The following CHD5 variants were observed in gnomAD, a reference collection of about 807,000 sequenced individuals.
CHD5 encodes the protein ATP-dependent chromatin remodeler CHD5.
A neutral mutation model predicts 230.3 loss-of-function variants in CHD5; 69 were observed. That is an observed-to-expected ratio of 0.30 (90% CI 0.25 to 0.37). CHD5 has a LOEUF of 0.37. Among genes scored for constraint, CHD5 ranks in the 10% least tolerant of loss-of-function variants. The pLI is 1.00. For synonymous variants in CHD5, 1,064 were observed against 1,065.9 expected, an observed-to-expected ratio of 1.00 and a Z score of 0.03; for missense variants, 1,827 against 2,622.8, an observed-to-expected ratio of 0.70 and a Z score of 6.63.
At chr1:6,169,016 C>T (rs1481658284) in intron 1 of CHD5, among the ~76,000 whole-genome samples, 1 of 98,858 alleles carries the variant, frequency 1.0e-5, no homozygotes, top group Non-Finnish European at 2.4e-5. Flanking sequence ...GAGACTCCAT[C>T]AAAAAAAAAA....
In CHD5 at chr1:6,125,278, GT is replaced by G; in HGVS notation, c.4261-46del. On this transcript the variant is annotated intron_variant, in intron 28 of 41. Coordinates refer to ENST00000262450, the MANE Select transcript of CHD5 (RefSeq NM_015557.3). This position sits in a 1 kb window ranked among gnomAD's most constrained non-coding sequence, Gnocchi z 6.7. The stretch of plus-strand genomic sequence containing the variant: ...GAGTATGAGCCCAGGACAGAGAGGG[GT>G]GGGGGTGGAGGATTCTGGGATGGGG... 6.5e-7 allele frequency: 1 copy of G among 1,549,206 alleles called. No homozygotes were observed. The highest frequency in any genetic ancestry group is 8.7e-7 in the Non-Finnish European group (1 of 1,145,392).
chr1:6,159,599 C>T, intron 2 of CHD5, 84 bp from the exon 3 acceptor site: 1 of 1,130,872 alleles, frequency 8.8e-7, no homozygotes, highest in Non-Finnish European at 1.3e-6. Flanking sequence ...CTGAGAGCTA[C>T]CTCCTGGCCC....
rs756677443 is a variant in CHD5, at chr1:6,159,424, T to G, written c.299A>C (p.Lys100Thr). 2.6e-6 allele frequency: 4 copies of G among 1,567,050 alleles called. No homozygotes were observed. In the African/African-American group the frequency reaches 4.1e-5, roughly 16 times the overall value. The change falls in exon 3 of 42, where the codon AAG becomes ACG. Residue 100 changes from lysine to threonine, a missense_variant. Lys to Thr is a moderately conservative substitution (Grantham distance 78). This residue lies in a region of CHD5 where 657 missense variants were observed against 816.4 expected (regional missense o/e 0.80). Transcript: ENST00000262450. ...GSDYSPNKKK[K>T]KKLKDKKEKK... ...CTCCTTCTTGTCCTTGAGTTTCTTC[T>G]TCTTCTTTTTATTCGGGGAGTAGTC...
intron 30 of CHD5, 23 bp downstream of exon 30, chr1:6,124,494 C>T (rs1666521129): frequency 1.9e-6 from 3 of 1,613,654 alleles, no homozygotes. Context: ...CAGGAAGGGC[C>T]CTACAGAGAG....
In CHD5 at chr1:6,112,402, C is replaced by T. The variant is rs957829728; in HGVS notation, c.5003-125G>A. 2.7e-5 allele frequency: 33 copies of T among 1,217,850 alleles called. No individual in the cohort carries two copies. In the Admixed American group the frequency reaches 5.2e-4, roughly 19 times the overall value. The allele number at this position is 1,217,850 out of a possible 1,614,324, so 75.4% of individuals were successfully genotyped here. A position where few individuals can be genotyped will look rare whatever the true frequency, so the allele number is the denominator to read the frequency against. ...AACATCCTCTTGTCCTCAGGGGACTCGCTGCCCAGAAGGGTCTTAAACAAG... is the reference window on the plus strand; with the variant it reads ...AACATCCTCTTGTCCTCAGGGGACTTGCTGCCCAGAAGGGTCTTAAACAAG... On this transcript the variant is annotated intron_variant, in intron 34 of 41. Coordinates refer to ENST00000262450, the MANE Select transcript of CHD5 (RefSeq NM_015557.3).
In CHD5 at chr1:6,144,026, G is replaced by T. The variant is rs377035401; in HGVS notation, c.1932C>A (p.His644Gln). The T allele has an allele frequency of 6.2e-7, 1 of 1,614,188 alleles. No homozygotes were observed. Among genetic ancestry groups the T allele is most frequent in the Non-Finnish European group, 8.5e-7 (1 of 1,180,040 alleles). Reference protein sequence around the residue: ...YDNLKQAYWGHRELMLGEDTR... With the variant: ...YDNLKQAYWGQRELMLGEDTR... ...GCAGCCGGATCCCTGCGACCCACCT[G>T]TGGCCCCAGTAGGCCTGCTTGAGGT... Residue 644 changes from histidine to glutamine, a missense_variant and splice_region_variant, in exon 12 of 42, where the codon CAC becomes CAA. This residue lies in a region of CHD5 where 657 missense variants were observed against 816.4 expected (regional missense o/e 0.80). Transcript: ENST00000262450.
At chr1:6,159,002 G>A (rs1198877995) in intron 3 of CHD5, among the ~76,000 whole-genome samples, 12 of 69,520 alleles carry the variant, frequency 1.7e-4, no homozygotes, top group African/African-American at 2.9e-4. Flanking sequence ...GCGAGACTCC[G>A]TCTCAAAAAA....
Position 6,121,633 on chromosome 1 carries a change from G to T in CHD5, c.4700-60C>A. The T allele has an allele frequency of 7.9e-7, 1 of 1,272,608 alleles. No homozygotes were observed. Among genetic ancestry groups the T allele is most frequent in the Admixed American group, 1.9e-5 (1 of 51,304 alleles). 78.8% of individuals were successfully genotyped at this position (1,272,608 alleles called of 1,614,324 possible). A position where few individuals can be genotyped will look rare whatever the true frequency, so the allele number is the denominator to read the frequency against. ...GCTCAGACGGGAAGGAGTAGGGCAG[G>T]GAGTGGGGTGGCAGAGAGGAGAGAT... On this transcript the variant is annotated intron_variant, in intron 31 of 41. Coordinates refer to ENST00000262450, the MANE Select transcript of CHD5 (RefSeq NM_015557.3). This position sits in a 1 kb window ranked among gnomAD's most constrained non-coding sequence, Gnocchi z 4.5.
intron 1 of CHD5, among the ~76,000 whole-genome samples, chr1:6,178,385 G>A (rs958935510): frequency 2.0e-5 from 3 of 152,212 alleles, no homozygotes; most frequent in East Asian, 1.9e-4. Context: ...CCAGCGGGTC[G>A]GTGCAACCCC....
chr1:6,152,975 T>C (rs2100867125), intron 5 of CHD5, among the ~76,000 whole-genome samples: 1 of 152,336 alleles, frequency 6.6e-6, no homozygotes, highest in South Asian at 2.1e-4. Context: ...CAGGCAATGC[T>C]GGTCCCACCC....
At chr1:6,172,661 G>A (rs1667357551) in intron 1 of CHD5, among the ~76,000 whole-genome samples, 1 of 152,136 alleles carries the variant, frequency 6.6e-6, no homozygotes, top group East Asian at 1.9e-4. Flanking sequence ...CCCTCCCACT[G>A]AAACAGCCCA....
At position 6,131,898 on chromosome 1, in the gene CHD5, G is replaced by T; in HGVS notation, c.3145-150C>A. Reference sequence around the variant, plus strand: ...CCAGGCAGGCCCAATGCAGGACTCTGGGGAAGAACAAAGCTTCCAACCTCA... The same window carrying T: ...CCAGGCAGGCCCAATGCAGGACTCTTGGGAAGAACAAAGCTTCCAACCTCA... On this transcript the variant is annotated intron_variant, in intron 20 of 41. Coordinates refer to ENST00000262450, the MANE Select transcript of CHD5 (RefSeq NM_015557.3). This position sits in a 1 kb window ranked among gnomAD's most constrained non-coding sequence, Gnocchi z 5.0. 1.6e-6 allele frequency: 1 copy of T among 606,210 alleles called. No individual in the cohort carries two copies. Among genetic ancestry groups the T allele is most frequent in the Non-Finnish European group, 3.0e-6 (1 of 334,638 alleles). 37.6% of individuals were successfully genotyped at this position (606,210 alleles called of 1,614,324 possible).
intron 3 of CHD5, among the ~76,000 whole-genome samples, chr1:6,157,298 C>T (rs1667094567): frequency 6.6e-6 from 1 of 152,252 alleles, no homozygotes. Context: ...CCTGCTCTCC[C>T]TCCTGCTGGA....
At position 6,174,517 on chromosome 1, in the gene CHD5, A is replaced by G. The variant is rs545695369; in HGVS notation, c.79+5428T>C. On this transcript the variant is annotated intron_variant, in intron 1 of 41. Transcript: ENST00000262450. Reference sequence around the variant, plus strand: ...GGATAGATGGATGGATGGTGGGTGGATGGATGGATGGATGGATGGATGGCA... The same window carrying G: ...GGATAGATGGATGGATGGTGGGTGGGTGGATGGATGGATGGATGGATGGCA... 1.1e-3 allele frequency among the ~76,000 whole-genome samples: 98 copies of G among 93,196 alleles called. 1 individual carries two copies. In the East Asian group the frequency reaches 0.021, roughly 20 times the overall value. 61.1% of individuals were successfully genotyped at this position (93,196 alleles called of 152,430 possible).
chr1:6,120,804 G>A (rs1197542594), intron 33 of CHD5, among the ~76,000 whole-genome samples: 2 of 152,150 alleles, frequency 1.3e-5, no homozygotes, highest in African/African-American at 4.8e-5. Context: ...TAGGGAGACT[G>A]AGGCACAAGA....
Position 6,112,133 on chromosome 1 carries a change from C to T in CHD5, c.5140+7G>A, listed in dbSNP as rs1666301379. 6.2e-7 allele frequency: 1 copy of T among 1,612,542 alleles called. No homozygotes were observed. Among genetic ancestry groups the T allele is most frequent in the Non-Finnish European group, 8.5e-7 (1 of 1,179,060 alleles). ...TCAGCTCTCTGCCCAACCCCCAACC[C>T]CAATACCCGTGAAGCCCCCGTCCGC... is the stretch of plus-strand genomic sequence containing the variant. On this transcript the variant is annotated splice_region_variant and intron_variant, in intron 35 of 41. Transcript: ENST00000262450.
intron 33 of CHD5, among the ~76,000 whole-genome samples, chr1:6,117,791 G>T (rs1176586271): frequency 6.6e-6 from 1 of 152,122 alleles, no homozygotes; most frequent in Non-Finnish European, 1.5e-5. Context: ...ATAATAACAG[G>T]TATTGGCAAG....
At chr1:6,150,986 T>C (rs373188919) in intron 7 of CHD5, 46 bp downstream of exon 7, 14 of 1,468,852 alleles carry the variant, frequency 9.5e-6, no homozygotes, top group Non-Finnish European at 1.3e-5. Flanking sequence ...CGTGCCCCAC[T>C]ACATCCACCC....
intron 2 of CHD5, among the ~76,000 whole-genome samples, chr1:6,165,951 G>A (rs1158223729): frequency 6.6e-6 from 1 of 152,006 alleles, no homozygotes; most frequent in Non-Finnish European, 1.5e-5. Flanking sequence ...GGGAGTCTCT[G>A]GGGCATGATG....
Sources: allele counts gnomAD v4.1 joint callset (sites outside exome capture counted in the v4.1 genomes callset), GRCh38; gene constraint gnomAD v4.1.1; regional missense constraint gnomAD v4.1.1; non-coding constraint Gnocchi (gnomAD v3.1); transcripts MANE v1.5; gene names NCBI Gene and HGNC (gene_info 2026-07-23, HGNC 2026-07-21).